Variants in DYNLRB1 observed in about 807,000 individuals in gnomAD.
DYNLRB1 encodes the protein dynein light chain roadblock-type 1.
DYNLRB1 carries 6 observed loss-of-function variants against 13.5 expected under a neutral mutation model. The ratio of observed to expected loss-of-function variants is 0.44; its 90% CI spans 0.24 to 0.88. DYNLRB1 has a LOEUF of 0.88. DYNLRB1 is among the 40% of genes least tolerant of loss of function. DYNLRB1 has a pLI of 0.21. For missense variants in DYNLRB1, 93 were observed against 127.2 expected, an observed-to-expected ratio of 0.73 and a Z score of 1.29; for synonymous variants, 43 against 45.0, an observed-to-expected ratio of 0.96 and a Z score of 0.18.
intron 1 of DYNLRB1, chr20:34,517,003 CTG>C: frequency 4.0e-6 from 5 of 1,243,440 alleles, no homozygotes; most frequent in Non-Finnish European, 5.1e-6. Flanking sequence ...GGCCGCCACT[CTG>C]TCGGCGTGGT....
intron 1 of DYNLRB1, chr20:34,516,678 T>C: frequency 1.3e-6 from 2 of 1,487,088 alleles, no homozygotes; most frequent in Non-Finnish European, 1.8e-6. Context: ...CGCTGCCCCT[T>C]GACCGGAAGC....
In DYNLRB1 at chr20:34,534,732, C is replaced by G; in HGVS notation, c.184C>G (p.Pro62Ala). The G allele has an allele frequency of 6.2e-7, 1 of 1,613,966 alleles. No homozygotes were observed. The highest frequency in any genetic ancestry group is 8.5e-7 in the Non-Finnish European group (1 of 1,179,898). ...KARSTVRDID[P>A]QNDLTFLRIR... The stretch of plus-strand genomic sequence containing the variant: ...ACGGAGCACCGTGCGTGACATCGAC[C>G]CCCAGAACGATCTCACCTTCCTTCG... The change falls in exon 3 of 4, where the codon CCC becomes GCC. Residue 62 changes from proline (P) to alanine (A), a missense_variant. By Grantham distance (27) the Pro-to-Ala change is conservative. Transcript: ENST00000357156.
At chr20:34,538,726 C>A (rs1219784003) in intron 3 of DYNLRB1, among the ~76,000 whole-genome samples, 1 of 152,178 alleles carries the variant, frequency 6.6e-6, no homozygotes, top group African/African-American at 2.4e-5. Flanking sequence ...ATTTCTGTTT[C>A]TTCCCTGTTG....
rs1052015941 is a variant in DYNLRB1, at chr20:34,530,246, T to C, written c.79+3903T>C. On this transcript the variant is annotated intron_variant, in intron 2 of 3. Coordinates refer to ENST00000357156, the MANE Select transcript of DYNLRB1 (RefSeq NM_014183.4). ...CCTTTTGGATACTAGTGAGTGCTGC[T>C]TTTTTGTATACTCATGGGGCTGATT... 39 of 1,062,654 alleles carry C rather than the reference T, an allele frequency of 3.7e-5. 2 individuals are homozygous for C. The South Asian group carries it at 1.7e-3, about 47-fold the overall frequency. 65.8% of individuals were successfully genotyped at this position (1,062,654 alleles called of 1,614,324 possible).
chr20:34,539,018 C>A (rs13045653), intron 3 of DYNLRB1, among the ~76,000 whole-genome samples: 1 of 152,168 alleles, frequency 6.6e-6, no homozygotes, highest in Non-Finnish European at 1.5e-5. Flanking sequence ...GACCTGGACA[C>A]AAAGAAGCCT....
intron 1 of DYNLRB1, among the ~76,000 whole-genome samples, chr20:34,517,207 A>G (rs989530780): frequency 6.6e-6 from 1 of 152,206 alleles, no homozygotes; most frequent in Non-Finnish European, 1.5e-5. Flanking sequence ...ATGTGAATAT[A>G]TTACTTTTTC....
In DYNLRB1 at chr20:34,517,371, A is replaced by T. The variant is rs147159162; in HGVS notation, c.3+910A>T. Among the ~76,000 whole-genome samples, 43 of 152,268 alleles carry T rather than the reference A, an allele frequency of 2.8e-4. No individual in the cohort carries two copies. In the East Asian group the frequency reaches 7.9e-3, roughly 28 times the overall value. On this transcript the variant is annotated intron_variant, in intron 1 of 3. Transcript: ENST00000357156. ...ACAGTTTAGCCCCTATTGAATGTGC[A>T]ATTGTGGGTTCTGTGTTTTTCATTA...
At chr20:34,533,119 C>T (rs992566984) in intron 2 of DYNLRB1, among the ~76,000 whole-genome samples, 1 of 152,296 alleles carries the variant, frequency 6.6e-6, no homozygotes, top group East Asian at 1.9e-4. Context: ...CAGTGTGAGC[C>T]GCATGCCTCA....
At chr20:34,527,026 A>T (rs1340949546) in intron 2 of DYNLRB1, among the ~76,000 whole-genome samples, 1 of 152,180 alleles carries the variant, frequency 6.6e-6, no homozygotes, top group Admixed American at 6.5e-5. Flanking sequence ...TGCACTGGAC[A>T]GGAAGGGAGC....
At chr20:34,534,871 A>C in intron 3 of DYNLRB1, 76 bp downstream of exon 3, 1 of 1,606,364 alleles carries the variant, frequency 6.2e-7, no homozygotes, top group Non-Finnish European at 8.5e-7. Flanking sequence ...GAGTCCTGGC[A>C]CAGTGGTGTC....
chr20:34,519,718 GTTC>G (rs754966977), intron 1 of DYNLRB1, among the ~76,000 whole-genome samples: 2 of 150,566 alleles, frequency 1.3e-5, no homozygotes, highest in Non-Finnish European at 3.0e-5. Context: ...TGCAGTAACT[GTTC>G]TTGTCTTTTT....
At chr20:34,515,804 A>G (rs1957997306), upstream of DYNLRB1, among the ~76,000 whole-genome samples, 1 of 152,046 alleles carries the variant, frequency 6.6e-6, no homozygotes, top group Admixed American at 6.5e-5. Flanking sequence ...CTCCAGAACC[A>G]GCTTAGACCT....
chr20:34,521,703 C>T (rs1979733290), intron 1 of DYNLRB1, among the ~76,000 whole-genome samples: 1 of 152,080 alleles, frequency 6.6e-6, no homozygotes, highest in Non-Finnish European at 1.5e-5. Context: ...TCCATCATCC[C>T]ATTGCCCAGA....
chr20:34,516,657 C>A (rs370259144), intron 1 of DYNLRB1, 196 bp downstream of exon 1: 15 of 1,461,874 alleles, frequency 1.0e-5, no homozygotes, highest in Middle Eastern at 2.4e-4. Context: ...CGAGGCGGGG[C>A]CGCCGGATCC....
intron 3 of DYNLRB1, among the ~76,000 whole-genome samples, chr20:34,538,884 C>T (rs1271554492): frequency 6.6e-6 from 1 of 152,210 alleles, no homozygotes; most frequent in African/African-American, 2.4e-5. Context: ...AAACCCAGGT[C>T]CCTGTCCCCA....
chr20:34,530,645 T>C (rs1980640517), intron 2 of DYNLRB1: 1 of 152,214 alleles, frequency 6.6e-6, no homozygotes, highest in African/African-American at 2.4e-5. Context: ...CACCCAGCTG[T>C]GAATGAACGT....
chr20:34,518,101 G>GT (rs141178937), intron 1 of DYNLRB1, among the ~76,000 whole-genome samples: 10,675 of 148,240 alleles, frequency 0.072, 1,201 homozygotes, highest in African/African-American at 0.25. Flanking sequence ...TTTATGGTAG[G>GT]TTTTTTTTTT....
chr20:34,532,553 C>A (rs1350582629), intron 2 of DYNLRB1, among the ~76,000 whole-genome samples: 1 of 152,268 alleles, frequency 6.6e-6, no homozygotes, highest in East Asian at 1.9e-4. Flanking sequence ...GTGGCTCCTA[C>A]CCCATCGCCG....
intron 3 of DYNLRB1, among the ~76,000 whole-genome samples, chr20:34,538,299 G>A (rs1010274829): frequency 2.6e-5 from 4 of 151,620 alleles, no homozygotes; most frequent in African/African-American, 9.7e-5. Context: ...TTGTTAGCTG[G>A]ACATGGTGGC....
Sources: gnomAD v4.1 joint callset for allele counts (sites outside exome capture counted in the v4.1 genomes callset) on GRCh38, gnomAD v4.1.1 for gene constraint, MANE v1.5 for transcripts, NCBI Gene and HGNC (gene_info 2026-07-23, HGNC 2026-07-21) for gene names.